Variants in VAC14 observed in about 807,000 individuals in gnomAD.
The protein encoded by VAC14 is protein VAC14 homolog.
A neutral mutation model predicts 85.3 loss-of-function variants in VAC14; 47 were observed. The observed-to-expected ratio is 0.55, with a 90% CI of 0.44 to 0.70. VAC14 has a LOEUF of 0.70. Ranked by LOEUF, VAC14 falls within the 30% of genes least tolerant of loss-of-function variation. VAC14 has a pLI of 0.00. For missense variants in VAC14, 861 were observed against 1,004.3 expected, an observed-to-expected ratio of 0.86 and a Z score of 1.93; for synonymous variants, 447 against 430.5, an observed-to-expected ratio of 1.04 and a Z score of -0.47.
In VAC14 at chr16:70,762,422, A is replaced by T; in HGVS notation, c.1371+118T>A. 1 of 1,103,372 alleles carries T rather than the reference A, an allele frequency of 9.1e-7. No homozygotes were observed. Among genetic ancestry groups the T allele is most frequent in the Non-Finnish European group, 1.3e-6 (1 of 744,952 alleles). The allele number at this position is 1,103,372 out of a possible 1,614,324, so 68.3% of individuals were successfully genotyped here. On this transcript the variant is annotated intron_variant, in intron 12 of 18. Coordinates refer to ENST00000261776, the MANE Select transcript of VAC14 (RefSeq NM_018052.5). The surrounding 1 kb of genome is among the most constrained non-coding windows in gnomAD (Gnocchi z 4.1). ...TGCACCTGGCCCCAAAGTGAGTATTAAACACAGCTTTACCTCTAGGAAGGA... is the reference window on the plus strand; with the variant it reads ...TGCACCTGGCCCCAAAGTGAGTATTTAACACAGCTTTACCTCTAGGAAGGA...
chr16:70,797,263 C>A (rs1278091474), intron 1 of VAC14, among the ~76,000 whole-genome samples: 3 of 152,106 alleles, frequency 2.0e-5, no homozygotes, highest in Non-Finnish European at 4.4e-5. Context: ...CAGTGATGAT[C>A]CGGGTAAGTT....
intron 13 of VAC14, among the ~76,000 whole-genome samples, chr16:70,734,369 G>A (rs1357780571): frequency 6.6e-6 from 1 of 152,128 alleles, no homozygotes; most frequent in Non-Finnish European, 1.5e-5. Flanking sequence ...CTGGGCCCAA[G>A]GGACCCTTCT....
At chr16:70,748,709 G>A (rs2031124431) in intron 12 of VAC14, among the ~76,000 whole-genome samples, 1 of 152,180 alleles carries the variant, frequency 6.6e-6, no homozygotes, top group South Asian at 2.1e-4. Flanking sequence ...CACTTTGGGA[G>A]ACCGAGGCAG....
chr16:70,719,454 A>T (rs1261237054), intron 14 of VAC14, among the ~76,000 whole-genome samples: 1 of 152,258 alleles, frequency 6.6e-6, no homozygotes, highest in Non-Finnish European at 1.5e-5. Context: ...GCCACAGAGT[A>T]GGAGAAGATA....
chr16:70,768,047 G>T (rs1487671502), intron 10 of VAC14, among the ~76,000 whole-genome samples: 1 of 152,042 alleles, frequency 6.6e-6, no homozygotes, highest in African/African-American at 2.4e-5. Context: ...ACCACACCCA[G>T]CTCATTTTTG....
chr16:70,702,731 G>T (rs2053853473), intron 14 of VAC14, among the ~76,000 whole-genome samples: 1 of 152,238 alleles, frequency 6.6e-6, no homozygotes, highest in African/African-American at 2.4e-5. Flanking sequence ...AGGGCAGAGG[G>T]TGTGAGAAGT....
chr16:70,786,140 A>G (rs2034044021), intron 2 of VAC14, 75 bp downstream of exon 2: 1 of 1,567,048 alleles, frequency 6.4e-7, no homozygotes, highest in Non-Finnish European at 8.7e-7. Context: ...GGGTCTTGAC[A>G]GGGAAGGCAT....
At chr16:70,689,651 C>T (rs1052212521) in intron 18 of VAC14, 4 of 985,712 alleles carry the variant, frequency 4.1e-6, no homozygotes, top group East Asian at 1.1e-4. Context: ...GACATGTCTA[C>T]GGCTGCGGCT....
chr16:70,753,009 GGGGTGTGTGTGT>G (rs968298515), intron 12 of VAC14, among the ~76,000 whole-genome samples: 1 of 136,672 alleles, frequency 7.3e-6, no homozygotes, highest in African/African-American at 3.0e-5. Flanking sequence ...GCAGGAGGAG[GGGGTGTGTGTGT>G]GTGTGTGTGT....
intron 9 of VAC14, chr16:70,773,073 C>CG (rs1567592174): frequency 6.6e-6 from 1 of 152,184 alleles, no homozygotes; most frequent in South Asian, 2.1e-4. Context: ...CTGGAGGAGA[C>CG]GGGGGAATAG....
chr16:70,712,921 C>T (rs1431732010), intron 14 of VAC14, among the ~76,000 whole-genome samples: 1 of 152,158 alleles, frequency 6.6e-6, no homozygotes, highest in Non-Finnish European at 1.5e-5. Context: ...CTCCCCAGGG[C>T]ATGGGTGCTC....
Position 70,786,292 on chromosome 16 carries a change from A to C in VAC14, c.178T>G (p.Phe60Val). The change falls in exon 2 of 19, where the codon TTT becomes GTT. Residue 60 changes from phenylalanine (F) to valine (V), a missense_variant. Physicochemically the swap from Phe to Val is conservative, Grantham distance 50. Coordinates refer to ENST00000261776, the MANE Select transcript of VAC14 (RefSeq NM_018052.5). ...CTGTGGGGGTGCTGAGACAGGGCAA[A>C]CTCCTGGGACAGGGTCTGGATCACA... ...KHVIQTLSQE[F>V]ALSQHPHSRK... 6.2e-7 allele frequency: 1 copy of C among 1,614,008 alleles called. No individual in the cohort carries two copies.
chr16:70,748,876 G>T (rs2031141752), intron 12 of VAC14, among the ~76,000 whole-genome samples: 1 of 152,222 alleles, frequency 6.6e-6, no homozygotes, highest in African/African-American at 2.4e-5. Context: ...AGCAGAGGCT[G>T]TAGTGAGCTG....
Position 70,688,724 on chromosome 16 carries a change from G to A in VAC14, c.2187-634C>T, listed in dbSNP as rs933295651. On this transcript the variant is annotated intron_variant, in intron 18 of 18. Transcript: ENST00000261776. The stretch of plus-strand genomic sequence containing the variant: ...TGCTCTGTACAGCAACACAGGTTGT[G>A]CACTGCACAGCTAGTGTGCATGATG... 1.5e-5 allele frequency: 15 copies of A among 985,424 alleles called. No homozygotes were observed. The Admixed American group carries it at 3.7e-4, about 24-fold the overall frequency. The allele number at this position is 985,424 out of a possible 1,614,324, so 61.0% of individuals were successfully genotyped here.
At chr16:70,698,585 GC>G (rs1156632111) in intron 15 of VAC14, 51 bp downstream of exon 15, 8 of 1,605,198 alleles carry the variant, frequency 5.0e-6, no homozygotes, top group East Asian at 4.5e-5. Flanking sequence ...CACAGGGTGT[GC>G]CCCCTGGCAT....
intron 12 of VAC14, among the ~76,000 whole-genome samples, chr16:70,758,454 A>G (rs904077538): frequency 6.6e-6 from 1 of 152,198 alleles, no homozygotes; most frequent in African/African-American, 2.4e-5. Flanking sequence ...GGGAATAGAC[A>G]TCCTTCCAGG....
intron 14 of VAC14, among the ~76,000 whole-genome samples, chr16:70,713,402 G>A (rs1402668566): frequency 6.6e-6 from 1 of 152,248 alleles, no homozygotes; most frequent in African/African-American, 2.4e-5. Flanking sequence ...ACCATTCTGG[G>A]TGCTGTTTGA....
At chr16:70,689,180 C>T (rs1447605547) in intron 18 of VAC14, 1 of 976,220 alleles carries the variant, frequency 1.0e-6, no homozygotes, top group African/African-American at 1.8e-5. Context: ...GTTTCCTCAT[C>T]TGCAAAGCGA....
intron 9 of VAC14, among the ~76,000 whole-genome samples, chr16:70,775,153 G>A (rs757007495): frequency 1.6e-4 from 25 of 152,118 alleles, no homozygotes; most frequent in Non-Finnish European, 3.2e-4. Context: ...ATATTATTCC[G>A]TGGGTTACAA....
Sources: allele counts gnomAD v4.1 joint callset (sites outside exome capture counted in the v4.1 genomes callset), GRCh38; gene constraint gnomAD v4.1.1; non-coding constraint Gnocchi (gnomAD v3.1); transcripts MANE v1.5; gene names NCBI Gene and HGNC (gene_info 2026-07-23, HGNC 2026-07-21).